UNC13B: variants seen among roughly 807,000 people sequenced by gnomAD.
The protein encoded by UNC13B is unc-13 homolog B, also known as protein unc-13 homolog B.
A neutral mutation model predicts 211.0 loss-of-function variants in UNC13B; 144 were observed. The ratio of observed to expected loss-of-function variants is 0.68; its 90% CI spans 0.60 to 0.78. The LOEUF is 0.78. Ranked by LOEUF, UNC13B falls within the 30% of genes least tolerant of loss-of-function variation. The pLI is 0.00. For missense variants in UNC13B, 1,777 were observed against 2,002.0 expected (o/e 0.89, Z 2.14); for synonymous variants, 709 against 725.8 (o/e 0.98, Z 0.37).
At chr9:35,353,481 G>A (rs1832845808) in intron 11 of UNC13B, 10 of 1,232,220 alleles carry the variant, frequency 8.1e-6, no homozygotes, top group Non-Finnish European at 1.0e-5. Flanking sequence ...GGGAGTGAAA[G>A]CTTGCTCAGT....
At chr9:35,181,545 A>G (rs1821939103) in intron 1 of UNC13B, among the ~76,000 whole-genome samples, 1 of 152,180 alleles carries the variant, frequency 6.6e-6, no homozygotes, top group Non-Finnish European at 1.5e-5. Context: ...ATATCAATGA[A>G]GATCGATCTG....
At chr9:35,275,084 C>A (rs1015680058) in intron 7 of UNC13B, among the ~76,000 whole-genome samples, 6 of 151,568 alleles carry the variant, frequency 4.0e-5, no homozygotes, top group Non-Finnish European at 8.8e-5. Context: ...GTTATGAATT[C>A]TTGATGGCCA....
Position 35,205,223 on chromosome 9 carries a change from A to G in UNC13B, c.23-22792A>G, listed in dbSNP as rs191438461. ...GCTTCCCCAGCCGTGCTTCCTGTAT[A>G]GCCTGTGGAACTGTGAGCCAATTAA... is the stretch of plus-strand genomic sequence containing the variant. On this transcript the variant is annotated intron_variant, in intron 1 of 39. Coordinates refer to ENST00000635942, the MANE Select transcript of UNC13B (RefSeq NM_001371189.2). 5.3e-4 allele frequency among the ~76,000 whole-genome samples: 80 copies of G among 152,258 alleles called. 1 individual carries two copies. Among genetic ancestry groups the G allele is most frequent in the Non-Finnish European group, 1.9e-4 (13 of 68,032 alleles).
At position 35,353,142 on chromosome 9, in the gene UNC13B, T is replaced by C. The variant is rs574645532; in HGVS notation, c.9415-13805T>C. The C allele has an allele frequency of 2.3e-5, 28 of 1,232,184 alleles. No individual in the cohort carries two copies. In the South Asian group the frequency reaches 1.1e-3, roughly 47 times the overall value. The allele number at this position is 1,232,184 out of a possible 1,614,324, so 76.3% of individuals were successfully genotyped here. On this transcript the variant is annotated intron_variant, in intron 11 of 39. Coordinates refer to ENST00000635942, the MANE Select transcript of UNC13B (RefSeq NM_001371189.2). ...ATAGGGCCTGAGACTTTCAGTGACA[T>C]GGTTCATATTGACCTGAATGAAGAG... is the stretch of plus-strand genomic sequence containing the variant.
intron 11 of UNC13B, among the ~76,000 whole-genome samples, chr9:35,322,616 T>C (rs775813352): frequency 1.3e-5 from 2 of 152,146 alleles, no homozygotes; most frequent in Non-Finnish European, 2.9e-5. Flanking sequence ...TCGAAACTCT[T>C]CTGCAAAGTT....
intron 11 of UNC13B, among the ~76,000 whole-genome samples, chr9:35,344,309 A>G (rs1324808375): frequency 6.6e-6 from 1 of 152,120 alleles, no homozygotes; most frequent in Non-Finnish European, 1.5e-5. Flanking sequence ...AGATAATTTT[A>G]AGTACAACTG....
intron 11 of UNC13B, among the ~76,000 whole-genome samples, chr9:35,323,750 G>C (rs1215942112): frequency 6.6e-6 from 1 of 151,938 alleles, no homozygotes; most frequent in Non-Finnish European, 1.5e-5. Flanking sequence ...ATGCATTACT[G>C]GGTCAGAAGT....
At chr9:35,360,674 C>CA (rs1370177177) in intron 11 of UNC13B, 6 of 152,090 alleles carry the variant, frequency 3.9e-5, no homozygotes, top group Non-Finnish European at 1.5e-5. Flanking sequence ...TTTTGAAAGA[C>CA]AGAGTCTCAG....
At chr9:35,376,593 G>T (rs1260745072) in intron 15 of UNC13B, among the ~76,000 whole-genome samples, 1 of 152,168 alleles carries the variant, frequency 6.6e-6, no homozygotes, top group Non-Finnish European at 1.5e-5. Context: ...AGGATCTGAG[G>T]CTAATGAGAG....
chr9:35,272,238 GT>G (rs1239331528), intron 7 of UNC13B, among the ~76,000 whole-genome samples: 1 of 134,586 alleles, frequency 7.4e-6, no homozygotes, highest in African/African-American at 2.7e-5. Flanking sequence ...GTTTCATTTT[GT>G]TTTTTTTGTT....
Position 35,306,178 on chromosome 9 carries a change from A to G in UNC13B, c.6774A>G (p.Thr2258=). 1 of 399,074 alleles carries G rather than the reference A, an allele frequency of 2.5e-6. No individual in the cohort carries two copies. The highest frequency in any genetic ancestry group is 1.3e-4 in the South Asian group (1 of 7,864). 24.7% of individuals were successfully genotyped at this position (399,074 alleles called of 1,614,324 possible). ...KTNVFVESGS[T]MTRESSSGHR... is the part of the protein sequence containing the mutation. Reference sequence around the variant, plus strand: ...ATGTTTTTGTAGAGAGTGGTAGCACAATGACCAGAGAAAGTTCCAGTGGTC... The same window carrying G: ...ATGTTTTTGTAGAGAGTGGTAGCACGATGACCAGAGAAAGTTCCAGTGGTC... The change falls in exon 9 of 40, where the codon ACA becomes ACG. Residue 2258 remains threonine, a synonymous_variant. Coordinates refer to ENST00000635942, the MANE Select transcript of UNC13B (RefSeq NM_001371189.2).
intron 1 of UNC13B, among the ~76,000 whole-genome samples, chr9:35,211,701 C>A (rs542554795): frequency 6.6e-6 from 1 of 152,308 alleles, no homozygotes; most frequent in East Asian, 1.9e-4. Flanking sequence ...CATTTACCTA[C>A]AGTGTATGAG....
intron 11 of UNC13B, among the ~76,000 whole-genome samples, chr9:35,315,277 A>G (rs1014468451): frequency 2.6e-5 from 4 of 152,112 alleles, no homozygotes; most frequent in South Asian, 4.2e-4. Context: ...TTGAAGTTAC[A>G]TGTTTAATGA....
chr9:35,322,092 T>A (rs1043686150), intron 11 of UNC13B, among the ~76,000 whole-genome samples: 4 of 152,242 alleles, frequency 2.6e-5, no homozygotes, highest in Non-Finnish European at 4.4e-5. Flanking sequence ...GTTACACTTA[T>A]GCTATTCCTA....
chr9:35,382,612 G>C, intron 21 of UNC13B, 105 bp downstream of exon 21: 1 of 1,378,506 alleles, frequency 7.3e-7, no homozygotes, highest in East Asian at 2.4e-5. Flanking sequence ...GCCCAGGCTG[G>C]AGTACAGTGG....
chr9:35,203,237 G>A (rs1823425783), intron 1 of UNC13B, among the ~76,000 whole-genome samples: 1 of 152,176 alleles, frequency 6.6e-6, no homozygotes, highest in Non-Finnish European at 1.5e-5. Context: ...AGTTGATGCA[G>A]TTTCTTCCTA....
At chr9:35,402,093 G>C in intron 37 of UNC13B, 1 of 1,296,002 alleles carries the variant, frequency 7.7e-7, no homozygotes, top group East Asian at 2.6e-5. Context: ...TGCTGGGGGT[G>C]GGGGAACAAG....
chr9:35,377,507 G>A lies in UNC13B; in HGVS notation c.9875G>A (p.Arg3292Gln), dbSNP rs751746355. 19 of 1,614,098 alleles carry A rather than the reference G, an allele frequency of 1.2e-5. No homozygotes were observed. The highest frequency in any genetic ancestry group is 2.2e-5 in the South Asian group (2 of 91,090). The change falls in exon 16 of 40, where the codon CGG becomes CAG. Residue 3292 changes from arginine (R) to glutamine (Q), a missense_variant. By Grantham distance (43) the Arg-to-Gln change is conservative. Coordinates refer to ENST00000635942, the MANE Select transcript of UNC13B (RefSeq NM_001371189.2). ...AGCTGTAAACATGGAGCTGAGGACC[G>A]GACCCAGAACATTATCATGGCCATG... ...EKSCKHGAED[R>Q]TQNIIMAMKD...
chr9:35,207,001 C>T (rs1823692900), intron 1 of UNC13B, among the ~76,000 whole-genome samples: 3 of 152,032 alleles, frequency 2.0e-5, no homozygotes, highest in Non-Finnish European at 4.4e-5. Flanking sequence ...TATAATGCTG[C>T]TAGATACACT....
Sources: allele counts gnomAD v4.1 joint callset (sites outside exome capture counted in the v4.1 genomes callset), GRCh38; gene constraint gnomAD v4.1.1; transcripts MANE v1.5; gene names NCBI Gene and HGNC (gene_info 2026-07-23, HGNC 2026-07-21).